The following MYT1L variants were observed in gnomAD, a reference collection of about 807,000 sequenced individuals.
The protein encoded by MYT1L is myelin transcription factor 1 like, also known as myelin transcription factor 1-like protein.
A neutral mutation model predicts 126.7 loss-of-function variants in MYT1L; 12 were observed. The observed-to-expected ratio is 0.09, with a 90% confidence interval of 0.06 to 0.15. The LOEUF (loss-of-function observed/expected upper bound fraction) is 0.15. Among genes scored for constraint, MYT1L ranks in the 10% least tolerant of loss-of-function variants. The probability of loss-of-function intolerance (pLI) is 1.00; values close to 1 mark genes in which losing one functional copy is unlikely to be tolerated. For synonymous variants in MYT1L, 541 were observed against 604.2 expected (o/e 0.90, Z 1.53); for missense variants, 979 against 1,585.2 (o/e 0.62, Z 6.49).
intron 8 of MYT1L, among the ~76,000 whole-genome samples, chr2:1,967,495 T>C (rs1405055142): frequency 1.3e-5 from 2 of 152,210 alleles, no homozygotes; most frequent in African/African-American, 4.8e-5. Context: ...TTGCTGCGCC[T>C]TCACATCCTC....
chr2:2,256,226 C>T (rs1024341277), intron 2 of MYT1L, among the ~76,000 whole-genome samples: 3 of 152,202 alleles, frequency 2.0e-5, no homozygotes, highest in East Asian at 1.9e-4. Flanking sequence ...CAAACTGGTC[C>T]GCAGGCCGAG....
chr2:2,022,552 G>A (rs2065139274), intron 4 of MYT1L, among the ~76,000 whole-genome samples: 2 of 151,906 alleles, frequency 1.3e-5, no homozygotes, highest in East Asian at 1.9e-4. Context: ...GACCTTTTCC[G>A]GTCTGGAAGT....
At chr2:1,798,553 C>T (rs1004399431) in intron 23 of MYT1L, among the ~76,000 whole-genome samples, 1 of 152,184 alleles carries the variant, frequency 6.6e-6, no homozygotes, top group African/African-American at 2.4e-5. Context: ...GGGCTCTGTG[C>T]ACAGGTCTGC....
intron 3 of MYT1L, among the ~76,000 whole-genome samples, chr2:2,067,282 T>C (rs550366239): frequency 6.6e-6 from 1 of 152,304 alleles, no homozygotes; most frequent in African/African-American, 2.4e-5. Flanking sequence ...CCTATGAATA[T>C]TGCATGAGGA....
At chr2:2,096,140 A>AT (rs1348650298) in intron 3 of MYT1L, among the ~76,000 whole-genome samples, 3 of 152,226 alleles carry the variant, frequency 2.0e-5, no homozygotes, top group Admixed American at 6.5e-5. Context: ...AGTGATTTTT[A>AT]TTTTTGCAAT....
At chr2:2,286,151 T>A (rs2095516977) in intron 1 of MYT1L, among the ~76,000 whole-genome samples, 1 of 152,084 alleles carries the variant, frequency 6.6e-6, no homozygotes, top group South Asian at 2.1e-4. Flanking sequence ...CCCGGCTAAT[T>A]TTTGTATTTT....
intron 2 of MYT1L, among the ~76,000 whole-genome samples, chr2:2,260,766 T>C (rs2094944375): frequency 6.6e-6 from 1 of 152,148 alleles, no homozygotes. Context: ...AATTGGAATA[T>C]ATTTCCCAGC....
intron 3 of MYT1L, among the ~76,000 whole-genome samples, chr2:2,145,642 G>GACACACACACAC (rs139332300): frequency 2.0e-5 from 3 of 146,432 alleles, no homozygotes; most frequent in African/African-American, 7.5e-5. Context: ...ACACACACAA[G>GACACACACACAC]ACACACACAC....
At chr2:2,298,454 C>T (rs190981266) in intron 1 of MYT1L, among the ~76,000 whole-genome samples, 14 of 152,268 alleles carry the variant, frequency 9.2e-5, no homozygotes, top group East Asian at 1.9e-4. Flanking sequence ...CATGGCTTTA[C>T]AATAATAATC....
rs1437538873 is a variant in MYT1L, at chr2:2,122,870, T to TGAGA, written c.-304+50001_-304+50002insTCTC. Among the ~76,000 whole-genome samples, 521 of 126,458 alleles carry TGAGA rather than the reference T, an allele frequency of 4.1e-3. 3 individuals carry two copies. The highest frequency in any genetic ancestry group is 0.015 in the African/African-American group (493 of 32,578). The allele number at this position is 126,458 out of a possible 152,430, so 83.0% of individuals were successfully genotyped here. ...GTGTGTGTGTGTGTGTGTGTGTGTG[T>TGAGA]GTGAGAGAGAGAGAGAGAGAGACCA... On this transcript the variant is annotated intron_variant, in intron 3 of 24. Transcript: ENST00000647738.
intron 3 of MYT1L, among the ~76,000 whole-genome samples, chr2:2,069,288 G>C (rs2074296073): frequency 6.6e-6 from 1 of 151,990 alleles, no homozygotes; most frequent in Non-Finnish European, 1.5e-5. Context: ...TGTTCTCATT[G>C]TTCAACTCCC....
intron 18 of MYT1L, among the ~76,000 whole-genome samples, chr2:1,862,489 C>A (rs572066566): frequency 3.0e-4 from 46 of 152,250 alleles, no homozygotes; most frequent in Non-Finnish European, 5.3e-4. Context: ...GGGGTGAGTT[C>A]ATTTGTTTTT....
At chr2:2,253,948 T>C (rs2094733322) in intron 2 of MYT1L, among the ~76,000 whole-genome samples, 1 of 152,128 alleles carries the variant, frequency 6.6e-6, no homozygotes, top group African/African-American at 2.4e-5. Flanking sequence ...AAAGATTACA[T>C]AGTTTGGGAA....
chr2:2,050,100 C>G (rs138421315), intron 4 of MYT1L, among the ~76,000 whole-genome samples: 263 of 152,150 alleles, frequency 1.7e-3, no homozygotes, highest in African/African-American at 5.8e-3. Context: ...CAGCTATTAT[C>G]ATCTTTTGTA....
chr2:2,007,428 A>G (rs1221337823), intron 4 of MYT1L, among the ~76,000 whole-genome samples: 1 of 152,238 alleles, frequency 6.6e-6, no homozygotes, highest in East Asian at 1.9e-4. Context: ...GAAAAAAACA[A>G]AACAGAATTA....
chr2:2,198,781 C>T (rs1234876302), intron 2 of MYT1L, among the ~76,000 whole-genome samples: 1 of 152,034 alleles, frequency 6.6e-6, no homozygotes. Flanking sequence ...TCGCTTGAAC[C>T]CAGGAGGCAG....
chr2:2,066,713 C>T (rs1331025775), intron 3 of MYT1L, among the ~76,000 whole-genome samples: 1 of 152,126 alleles, frequency 6.6e-6, no homozygotes, highest in Non-Finnish European at 1.5e-5. Context: ...GAAAAGTTGC[C>T]GCTGTCCTGT....
At chr2:2,302,423 G>A (rs977540537) in intron 1 of MYT1L, among the ~76,000 whole-genome samples, 1 of 152,230 alleles carries the variant, frequency 6.6e-6, no homozygotes, top group Non-Finnish European at 1.5e-5. Flanking sequence ...TATATAAGGT[G>A]AGCTTTGAAA....
At chr2:2,030,151 G>A (rs1052144326) in intron 4 of MYT1L, among the ~76,000 whole-genome samples, 5 of 152,198 alleles carry the variant, frequency 3.3e-5, no homozygotes, top group Admixed American at 1.3e-4. Context: ...AGGCTGGAGT[G>A]CAATGGTGTG....
Sources: allele counts gnomAD v4.1 joint callset (sites outside exome capture counted in the v4.1 genomes callset), GRCh38; gene constraint gnomAD v4.1.1; transcripts MANE v1.5; gene names NCBI Gene and HGNC (gene_info 2026-07-23, HGNC 2026-07-21).